ENDOU: variants seen among roughly 807,000 people sequenced by gnomAD.
ENDOU encodes endonuclease, poly(U) specific, also known as uridylate-specific endoribonuclease.
A neutral mutation model predicts 54.2 loss-of-function variants in ENDOU; 49 were observed. The observed-to-expected ratio is 0.90, with a 90% CI of 0.72 to 1.15. The LOEUF is 1.15. ENDOU is among the 50% of genes most tolerant of loss of function. The pLI is 0.00. For missense variants in ENDOU, 458 were observed against 511.4 expected (o/e 0.90, Z 1.01); for synonymous variants, 172 against 190.5 (o/e 0.90, Z 0.80).
intron 1 of ENDOU, among the ~76,000 whole-genome samples, chr12:47,722,740 T>C (rs1940472891): frequency 6.6e-6 from 1 of 152,180 alleles, no homozygotes; most frequent in African/African-American, 2.4e-5. Context: ...ACTTCATCAC[T>C]ACAGGTCTGT....
intron 3 of ENDOU, 159 bp downstream of exon 3, chr12:47,717,970 C>A (rs564239835): frequency 8.6e-6 from 6 of 700,344 alleles, no homozygotes; most frequent in South Asian, 7.6e-5. Context: ...TGGCTGAGCC[C>A]CCCCAGGCTT....
At chr12:47,718,231 T>G (rs1452598334) in intron 2 of ENDOU, 37 bp from the exon 3 acceptor site, 10 of 1,524,772 alleles carry the variant, frequency 6.6e-6, no homozygotes, top group Non-Finnish European at 8.9e-6. Flanking sequence ...ACCAACAACC[T>G]GAGAATTCCC....
rs1592507311 is a variant in ENDOU at position 47,716,831 on chromosome 12, A to G, written c.551+59T>C. 5.7e-6 allele frequency: 9 copies of G among 1,569,590 alleles called. No individual in the cohort carries two copies. In the East Asian group the frequency reaches 1.8e-4, roughly 31 times the overall value. On this transcript the variant is annotated intron_variant, in intron 5 of 9. Transcript: ENST00000422538. ...TTGAGGATAAAAAGTCGAGACATCG[A>G]AAGAAGCAAGGATAGGGGCAAGATT...
chr12:47,717,403 G>T, intron 4 of ENDOU, 115 bp downstream of exon 4: 1 of 1,213,006 alleles, frequency 8.2e-7, no homozygotes, highest in Non-Finnish European at 1.2e-6. Flanking sequence ...CAGAGTTTGT[G>T]TTTCTAACAA....
chr12:47,718,962 A>G (rs1401953831), intron 2 of ENDOU, among the ~76,000 whole-genome samples: 1 of 152,146 alleles, frequency 6.6e-6, no homozygotes, highest in Non-Finnish European at 1.5e-5. Context: ...AGTTATTACC[A>G]TCAGAACTAC....
intron 7 of ENDOU, 62 bp downstream of exon 7, chr12:47,713,213 C>A: frequency 8.3e-7 from 1 of 1,209,026 alleles, no homozygotes; most frequent in South Asian, 1.2e-5. Context: ...CTGCCCTGCT[C>A]CTGAGCAAAG....
intron 1 of ENDOU, among the ~76,000 whole-genome samples, chr12:47,723,313 G>A (rs1940492671): frequency 6.6e-6 from 1 of 152,164 alleles, no homozygotes; most frequent in African/African-American, 2.4e-5. Flanking sequence ...GTGCAGGGGT[G>A]GGAGGAACTT....
chr12:47,723,859 T>A (rs998336706), intron 1 of ENDOU, among the ~76,000 whole-genome samples: 8 of 152,142 alleles, frequency 5.3e-5, no homozygotes, highest in Non-Finnish European at 8.8e-5. Flanking sequence ...TCAACCAAGG[T>A]TCTCCACAGA....
At chr12:47,713,191 C>A (rs1245565783) in intron 7 of ENDOU, 84 bp downstream of exon 7, 4 of 940,660 alleles carry the variant, frequency 4.3e-6, no homozygotes, top group Admixed American at 1.8e-5. Context: ...GCTGATTAAT[C>A]CACACCCAGG....
rs1940066268 is a variant in ENDOU, at chr12:47,712,545, C to T, written c.943G>A (p.Asp315Asn). The T allele has an allele frequency of 6.2e-7, 1 of 1,614,150 alleles. No individual in the cohort carries two copies. Reference protein sequence around the residue: ...FYLEEKEGLVDYYSHIYDGPW... With the variant: ...FYLEEKEGLVNYYSHIYDGPW... Reference sequence around the variant, plus strand: ...CCATCGTAGATGTGACTGTAATAGTCAACCAGACCCTCCTTCTCCTCCAGG... The same window carrying T: ...CCATCGTAGATGTGACTGTAATAGTTAACCAGACCCTCCTTCTCCTCCAGG... The change falls in exon 8 of 10, where the codon GAC becomes AAC. Residue 315 changes from aspartate to asparagine, a missense_variant. Transcript: ENST00000422538.
intron 7 of ENDOU, 83 bp from the exon 8 acceptor site, chr12:47,712,705 G>T (rs1234820): frequency 0.16 from 160,553 of 1,001,960 alleles, 14,576 homozygotes; most frequent in East Asian, 0.32. Flanking sequence ...CCATGCCAAG[G>T]CTTCCCCCTT....
chr12:47,711,506 C>T (rs1477472031), intron 9 of ENDOU, 127 bp downstream of exon 9: 1 of 1,152,742 alleles, frequency 8.7e-7, no homozygotes, highest in Non-Finnish European at 1.2e-6. Flanking sequence ...AACTGAGGCC[C>T]AAAGCACAGA....
chr12:47,717,204 C>T (rs1940278667), intron 4 of ENDOU, 146 bp from the exon 5 acceptor site: 2 of 691,606 alleles, frequency 2.9e-6, no homozygotes, highest in East Asian at 2.5e-5. Context: ...TAGTGGTGGA[C>T]AGGGGCCCAG....
chr12:47,725,380 G>T lies in ENDOU; in HGVS notation c.34C>A (p.Leu12Met), dbSNP rs757435912. ...RACISLVLAV[L>M]CGLAWAGKIE... ...TTACCAGCCCAGGCCAGGCCACACAGCACGGCCAATACCAGGGAGATGCAG... is the reference window on the plus strand; with the variant it reads ...TTACCAGCCCAGGCCAGGCCACACATCACGGCCAATACCAGGGAGATGCAG... The change falls in exon 1 of 10, where the codon CTG becomes ATG. Residue 12 changes from leucine to methionine, a missense_variant. By Grantham distance (15) the Leu-to-Met change is conservative (BLOSUM62 2). Transcript: ENST00000422538. 6.2e-7 allele frequency: 1 copy of T among 1,614,214 alleles called. No homozygotes were observed. The highest frequency in any genetic ancestry group is 1.7e-5 in the Admixed American group (1 of 60,028).
chr12:47,720,425 T>C (rs1940394334), intron 2 of ENDOU: 1 of 190,028 alleles, frequency 5.3e-6, no homozygotes, highest in African/African-American at 2.3e-5. Flanking sequence ...GAATAACAAT[T>C]AATAATGTCA....
chr12:47,722,915 G>A (rs1940478881), intron 1 of ENDOU, among the ~76,000 whole-genome samples: 1 of 152,254 alleles, frequency 6.6e-6, no homozygotes, highest in Non-Finnish European at 1.5e-5. Flanking sequence ...CCTCTTGAAT[G>A]TTAAATGATG....
intron 1 of ENDOU, 63 bp from the exon 2 acceptor site, chr12:47,720,938 C>T: frequency 6.6e-7 from 1 of 1,512,118 alleles, no homozygotes; most frequent in Admixed American, 2.0e-5. Flanking sequence ...AGGGTGCCTC[C>T]TGCAGGAGGG....
intron 7 of ENDOU, 114 bp downstream of exon 7, chr12:47,713,161 C>G (rs965249433): frequency 1.2e-5 from 9 of 749,364 alleles, no homozygotes; most frequent in Non-Finnish European, 2.1e-5. Flanking sequence ...GTGGGTCCCT[C>G]CCTACTAGCT....
chr12:47,711,528 C>T, intron 9 of ENDOU, 105 bp downstream of exon 9: 1 of 1,326,890 alleles, frequency 7.5e-7, no homozygotes, highest in South Asian at 1.4e-5. Context: ...TTGTCCAAGC[C>T]CTCTCAGCCT....
Sources: gnomAD v4.1 joint callset for allele counts (sites outside exome capture counted in the v4.1 genomes callset) on GRCh38, gnomAD v4.1.1 for gene constraint, MANE v1.5 for transcripts, NCBI Gene and HGNC (gene_info 2026-07-23, HGNC 2026-07-21) for gene names.